The following GNAQ variants were observed in gnomAD, a reference collection of about 807,000 sequenced individuals.
GNAQ encodes the protein guanine nucleotide-binding protein G(q) subunit alpha.
A neutral mutation model predicts 43.9 loss-of-function variants in GNAQ; 8 were observed. That is an observed-to-expected ratio of 0.18 (90% CI 0.11 to 0.33). The LOEUF (loss-of-function observed/expected upper bound fraction) is 0.33. Ranked by LOEUF, GNAQ falls within the 10% of genes least tolerant of loss-of-function variation. GNAQ has a pLI of 1.00. For missense variants in GNAQ, 158 were observed against 450.8 expected, an observed-to-expected ratio of 0.35 and a Z score of 5.88; for synonymous variants, 155 against 170.7, an observed-to-expected ratio of 0.91 and a Z score of 0.71.
intron 2 of GNAQ, among the ~76,000 whole-genome samples, chr9:77,882,573 G>T (rs1036491385): frequency 3.3e-5 from 5 of 152,160 alleles, no homozygotes; most frequent in African/African-American, 1.2e-4. Context: ...TATACAATGG[G>T]AAAGTCCACA....
chr9:77,853,791 A>AC (rs1328711609), intron 2 of GNAQ, among the ~76,000 whole-genome samples: 2 of 150,788 alleles, frequency 1.3e-5, no homozygotes, highest in Admixed American at 6.6e-5. Flanking sequence ...AAAAAAAAAA[A>AC]AAAAAAAAAC....
chr9:77,999,203 C>T (rs1823614512), intron 1 of GNAQ, among the ~76,000 whole-genome samples: 2 of 150,864 alleles, frequency 1.3e-5, no homozygotes, highest in South Asian at 2.1e-4. Flanking sequence ...ATTATCCTCT[C>T]TTCTAAAATG....
At chr9:77,927,760 G>A (rs569856378) in intron 1 of GNAQ, among the ~76,000 whole-genome samples, 1 of 152,184 alleles carries the variant, frequency 6.6e-6, no homozygotes, top group East Asian at 1.9e-4. Context: ...GGCCTTTCAT[G>A]ACTGTATCTG....
chr9:77,757,192 C>T (rs1378068016), intron 5 of GNAQ, among the ~76,000 whole-genome samples: 1 of 152,156 alleles, frequency 6.6e-6, no homozygotes, highest in Non-Finnish European at 1.5e-5. Context: ...ACATAAACTG[C>T]TGAAAATCTG....
At chr9:77,944,343 C>A (rs1436533450) in intron 1 of GNAQ, among the ~76,000 whole-genome samples, 2 of 151,516 alleles carry the variant, frequency 1.3e-5, no homozygotes, top group Admixed American at 6.6e-5. Context: ...ATCAAACAAC[C>A]AATAGAGGCT....
chr9:77,764,556 C>G (rs12115264), intron 5 of GNAQ, among the ~76,000 whole-genome samples: 2 of 151,778 alleles, frequency 1.3e-5, no homozygotes, highest in Admixed American at 1.3e-4. Context: ...CCCGGGTTCA[C>G]GCTATTCTCC....
intron 1 of GNAQ, among the ~76,000 whole-genome samples, chr9:77,960,575 C>T (rs772612846): frequency 1.3e-5 from 2 of 152,122 alleles, no homozygotes; most frequent in Admixed American, 6.6e-5. Flanking sequence ...GAAAGGCATG[C>T]CGCAGGGAGT....
At chr9:78,028,845 C>T (rs553918235) in intron 1 of GNAQ, among the ~76,000 whole-genome samples, 2 of 152,260 alleles carry the variant, frequency 1.3e-5, no homozygotes, top group Admixed American at 6.5e-5. Context: ...TACACATACA[C>T]GCACGCACAA....
At chr9:77,906,080 C>T (rs529853498) in intron 2 of GNAQ, among the ~76,000 whole-genome samples, 21 of 151,558 alleles carry the variant, frequency 1.4e-4, no homozygotes, top group Admixed American at 1.1e-3. Context: ...ACATGTATCC[C>T]GGAACTTAAA....
At chr9:77,866,110 C>T (rs139443562) in intron 2 of GNAQ, among the ~76,000 whole-genome samples, 15 of 151,594 alleles carry the variant, frequency 9.9e-5, no homozygotes, top group African/African-American at 3.6e-4. Flanking sequence ...AAAGAAGCAA[C>T]CATACTTGAT....
At chr9:77,982,550 C>A (rs1057285178) in intron 1 of GNAQ, among the ~76,000 whole-genome samples, 7 of 151,954 alleles carry the variant, frequency 4.6e-5, no homozygotes. Context: ...AAGTATGATA[C>A]AAACAAACAT....
Position 77,759,914 on chromosome 9 carries a change from TC to T in GNAQ, c.736-31248del, listed in dbSNP as rs1189015436. On this transcript the variant is annotated intron_variant, in intron 5 of 6. Transcript: ENST00000286548. ...TCTTTTTTTCTTTCTTTCTTTTTTT[TC>T]TTTTCCTTTTTCTTTTTCTTTTTTT... is the stretch of plus-strand genomic sequence containing the variant. Among the ~76,000 whole-genome samples, 759 of 149,718 alleles carry T rather than the reference TC, an allele frequency of 5.1e-3. 2 individuals are homozygous for T. Among genetic ancestry groups the T allele is most frequent in the African/African-American group, 0.018 (717 of 40,722 alleles).
At chr9:77,898,481 C>T (rs1489068863) in intron 2 of GNAQ, among the ~76,000 whole-genome samples, 3 of 152,178 alleles carry the variant, frequency 2.0e-5, no homozygotes, top group African/African-American at 7.2e-5. Flanking sequence ...CATGGACTTG[C>T]TTGTAACCCA....
intron 2 of GNAQ, among the ~76,000 whole-genome samples, chr9:77,816,348 C>T (rs1827014749): frequency 6.6e-6 from 1 of 152,140 alleles, no homozygotes; most frequent in African/African-American, 2.4e-5. Flanking sequence ...CACTCTTATG[C>T]ACCCAAACTT....
At chr9:77,860,607 A>C (rs1426527681) in intron 2 of GNAQ, among the ~76,000 whole-genome samples, 2 of 152,166 alleles carry the variant, frequency 1.3e-5, no homozygotes, top group Non-Finnish European at 2.9e-5. Flanking sequence ...TTTTGTGAGA[A>C]TCTGATGCCG....
intron 1 of GNAQ, among the ~76,000 whole-genome samples, chr9:78,006,050 T>C (rs1823702648): frequency 6.6e-6 from 1 of 152,196 alleles, no homozygotes; most frequent in African/African-American, 2.4e-5. Flanking sequence ...ATGTTAACTC[T>C]TTCCTGTACG....
chr9:78,000,056 C>T (rs936091657), intron 1 of GNAQ, among the ~76,000 whole-genome samples: 5 of 152,004 alleles, frequency 3.3e-5, no homozygotes, highest in African/African-American at 1.2e-4. Context: ...TTTACTTGTA[C>T]GAGACACTTA....
chr9:78,016,137 T>G (rs1825393658), intron 1 of GNAQ, among the ~76,000 whole-genome samples: 1 of 152,108 alleles, frequency 6.6e-6, no homozygotes, highest in Non-Finnish European at 1.5e-5. Flanking sequence ...TACAAAACTC[T>G]TAGTAGAAAA....
At chr9:77,806,771 T>G (rs987493469) in intron 3 of GNAQ, among the ~76,000 whole-genome samples, 3 of 152,198 alleles carry the variant, frequency 2.0e-5, no homozygotes, top group African/African-American at 7.2e-5. Context: ...TACAGTAAGC[T>G]AGGCACTAGG....
Sources: gnomAD v4.1 joint callset for allele counts (sites outside exome capture counted in the v4.1 genomes callset) on GRCh38, gnomAD v4.1.1 for gene constraint, MANE v1.5 for transcripts, NCBI Gene and HGNC (gene_info 2026-07-23, HGNC 2026-07-21) for gene names.